Variants in LITAF observed in about 807,000 individuals in gnomAD.
The protein encoded by LITAF is lipopolysaccharide-induced tumor necrosis factor-alpha factor.
In LITAF, 9 loss-of-function variants were observed where a neutral mutation model predicts 14.5. That is an observed-to-expected ratio of 0.62 (90% confidence interval 0.37 to 1.08). LITAF has a LOEUF of 1.08. Among genes scored for constraint, LITAF ranks in the 50% least tolerant of loss-of-function variants. The pLI is 0.01. For synonymous variants in LITAF, 98 were observed against 88.2 expected, an observed-to-expected ratio of 1.11 and a Z score of -0.62; for missense variants, 206 against 213.4, an observed-to-expected ratio of 0.97 and a Z score of 0.22.
intron 3 of LITAF, among the ~76,000 whole-genome samples, chr16:11,621,252 C>T (rs1015130523): frequency 3.3e-5 from 5 of 152,112 alleles, no homozygotes; most frequent in Non-Finnish European, 5.9e-5. Flanking sequence ...TTAGTAGGGA[C>T]AGGATTTCTC....
intron 3 of LITAF, among the ~76,000 whole-genome samples, chr16:11,617,197 G>A (rs1567265034): frequency 6.6e-6 from 1 of 151,946 alleles, no homozygotes; most frequent in Admixed American, 6.6e-5. Context: ...TTCAACCTGG[G>A]TGACAGAGCG....
chr16:11,582,586 C>T (rs951894737), intron 1 of LITAF, among the ~76,000 whole-genome samples: 1 of 152,092 alleles, frequency 6.6e-6, no homozygotes, highest in Non-Finnish European at 1.5e-5. Flanking sequence ...AGAAAAGAAA[C>T]ACTAAGCTAG....
chr16:11,622,066 C>T (rs2065054195), intron 3 of LITAF, among the ~76,000 whole-genome samples: 2 of 152,214 alleles, frequency 1.3e-5, no homozygotes, highest in Admixed American at 1.3e-4. Flanking sequence ...AGCCCTTGGC[C>T]TTCCCAGTTC....
At chr16:11,563,323 AT>A (rs1441770100) in intron 1 of LITAF, among the ~76,000 whole-genome samples, 3 of 151,676 alleles carry the variant, frequency 2.0e-5, no homozygotes, top group South Asian at 2.1e-4. Flanking sequence ...TAATTTTTGT[AT>A]TTTTTAGTAG....
intron 3 of LITAF, among the ~76,000 whole-genome samples, chr16:11,629,946 G>A (rs556957130): frequency 2.0e-5 from 3 of 152,198 alleles, no homozygotes; most frequent in Admixed American, 6.5e-5. Context: ...TGGCTGCTAC[G>A]GTGGGAGATT....
At chr16:11,552,938 A>C (rs1409834748) in intron 3 of LITAF, among the ~76,000 whole-genome samples, 2 of 151,704 alleles carry the variant, frequency 1.3e-5, no homozygotes, top group Non-Finnish European at 2.9e-5. Context: ...ACATGGTGAG[A>C]CCCTATCTCT....
chr16:11,619,885 C>T (rs184415982), intron 3 of LITAF, among the ~76,000 whole-genome samples: 1 of 151,980 alleles, frequency 6.6e-6, no homozygotes, highest in Admixed American at 6.6e-5. Flanking sequence ...ATGTAATCTG[C>T]GGACGGGTGC....
At chr16:11,559,921 G>A (rs1451840369) in intron 1 of LITAF, among the ~76,000 whole-genome samples, 1 of 151,884 alleles carries the variant, frequency 6.6e-6, no homozygotes, top group Non-Finnish European at 1.5e-5. Context: ...CTTAAACCCA[G>A]GAGTTCAAGT....
intron 1 of LITAF, among the ~76,000 whole-genome samples, chr16:11,573,027 CA>C (rs1166003107): frequency 6.6e-6 from 1 of 151,310 alleles, no homozygotes; most frequent in Non-Finnish European, 1.5e-5. Flanking sequence ...CTCCCAGGTT[CA>C]AGCAATTCTC....
chr16:11,620,771 G>T (rs963856854), intron 3 of LITAF, among the ~76,000 whole-genome samples: 44 of 152,302 alleles, frequency 2.9e-4, no homozygotes, highest in Admixed American at 2.8e-3. Context: ...GGAGTGGTGG[G>T]GACTGTGACA....
chr16:11,603,074 A>G (rs2064937127), upstream of LITAF, among the ~76,000 whole-genome samples: 1 of 152,174 alleles, frequency 6.6e-6, no homozygotes, highest in South Asian at 2.1e-4. Flanking sequence ...TGATCACACC[A>G]CTGCATTCCA....
At chr16:11,572,719 G>A (rs546424267) in intron 1 of LITAF, among the ~76,000 whole-genome samples, 1 of 152,184 alleles carries the variant, frequency 6.6e-6, no homozygotes, top group African/African-American at 2.4e-5. Context: ...GAATAGAGAG[G>A]TGACAACTGA....
rs1304610501 is a variant in LITAF, at chr16:11,605,842, G to A, written c.85+27691C>T. 6.6e-6 allele frequency among the ~76,000 whole-genome samples: 1 copy of A among 152,078 alleles called. No individual in the cohort carries two copies. The highest frequency in any genetic ancestry group is 6.6e-5 in the Admixed American group (1 of 15,252). Reference sequence around the variant, plus strand: ...CACTACACATGTCACTCTCACAACCGCACCAGGAGGTAGGTTCCACTGTTC... The same window carrying A: ...CACTACACATGTCACTCTCACAACCACACCAGGAGGTAGGTTCCACTGTTC... On this transcript the variant is annotated intron_variant, in intron 3 of 3. Coordinates refer to the LITAF transcript ENST00000574848. The surrounding 1 kb of genome is among the most constrained non-coding windows in gnomAD (Gnocchi z 4.7).
chr16:11,594,960 A>G (rs2141855432), intron 1 of LITAF, among the ~76,000 whole-genome samples: 1 of 152,286 alleles, frequency 6.6e-6, no homozygotes, highest in South Asian at 2.1e-4. Flanking sequence ...TCTCTGAGTG[A>G]TGTAATTAGG....
At chr16:11,622,157 T>G (rs1302257669) in intron 3 of LITAF, among the ~76,000 whole-genome samples, 9 of 152,150 alleles carry the variant, frequency 5.9e-5, no homozygotes, top group Admixed American at 5.9e-4. Flanking sequence ...CCTGGCAGCC[T>G]GGTGGGGACA....
At chr16:11,638,480 A>G (rs1275074553), upstream of LITAF, among the ~76,000 whole-genome samples, 1 of 152,008 alleles carries the variant, frequency 6.6e-6, no homozygotes, top group Non-Finnish European at 1.5e-5. Context: ...AGGCAGGCGC[A>G]TCACGAGATC....
intron 1 of LITAF, among the ~76,000 whole-genome samples, chr16:11,564,136 CT>C (rs1465129788): frequency 2.0e-5 from 3 of 152,084 alleles, no homozygotes; most frequent in Non-Finnish European, 4.4e-5. Flanking sequence ...TCTCGAACTC[CT>C]GACCTCAAGT....
In LITAF at chr16:11,549,550, G is replaced by T. The variant is rs1364813710; in HGVS notation, c.*87C>A. On this transcript the variant is annotated 3_prime_UTR_variant, in exon 4 of 4. Transcript: ENST00000622633. This position sits in a 1 kb window ranked among gnomAD's most constrained non-coding sequence, Gnocchi z 4.6. ...GCCCCCTGGAGAGGTGAGACCACCA[G>T]GGCAGAACCTCCACCAGGCGTGAAG... 5 of 999,156 alleles carry T rather than the reference G, an allele frequency of 5.0e-6. No individual in the cohort carries two copies. Among genetic ancestry groups the T allele is most frequent in the African/African-American group, 4.8e-5 (3 of 62,584 alleles). 61.9% of individuals were successfully genotyped at this position (999,156 alleles called of 1,614,324 possible).
upstream of LITAF, among the ~76,000 whole-genome samples, chr16:11,589,964 G>C (rs575949117): frequency 2.0e-4 from 12 of 60,042 alleles, 3 homozygotes; most frequent in Non-Finnish European, 3.7e-4. Context: ...ATCCAAAAAT[G>C]AAATTAAGAA....
Sources: gnomAD v4.1 joint callset for allele counts (sites outside exome capture counted in the v4.1 genomes callset) on GRCh38, gnomAD v4.1.1 for gene constraint, Gnocchi (gnomAD v3.1) non-coding constraint, MANE v1.5 for transcripts, NCBI Gene and HGNC (gene_info 2026-07-23, HGNC 2026-07-21) for gene names.